The following CHN2 variants were observed in gnomAD, a reference collection of about 807,000 sequenced individuals.
CHN2 encodes chimerin 2.
A neutral mutation model predicts 56.3 loss-of-function variants in CHN2; 35 were observed. The observed-to-expected ratio is 0.62, with a 90% CI of 0.47 to 0.82. The LOEUF is 0.82. CHN2 is among the 40% of genes least tolerant of loss of function. The pLI, the probability that CHN2 is intolerant of heterozygous loss-of-function variation, is 0.00. For missense variants in CHN2, 491 were observed against 580.5 expected, an observed-to-expected ratio of 0.85 and a Z score of 1.58; for synonymous variants, 210 against 212.8, an observed-to-expected ratio of 0.99 and a Z score of 0.12.
chr7:29,154,190 C>T (rs2128697434), intron 2 of CHN2, among the ~76,000 whole-genome samples: 1 of 152,272 alleles, frequency 6.6e-6, no homozygotes, highest in East Asian at 1.9e-4. Context: ...GTGGGCTTCT[C>T]ATTGCAGAAT....
At chr7:29,197,507 C>G (rs1437143173) in intron 1 of CHN2, among the ~76,000 whole-genome samples, 1 of 152,134 alleles carries the variant, frequency 6.6e-6, no homozygotes, top group East Asian at 1.9e-4. Flanking sequence ...AGCACAGGGC[C>G]TAGCATTTAA....
chr7:29,469,956 G>A (rs1785889405), intron 6 of CHN2, among the ~76,000 whole-genome samples: 1 of 152,184 alleles, frequency 6.6e-6, no homozygotes. Context: ...GAGGGTAAGA[G>A]GGAGAGAAGG....
intron 1 of CHN2, among the ~76,000 whole-genome samples, chr7:29,256,719 C>T (rs1036528912): frequency 6.6e-6 from 1 of 152,168 alleles, no homozygotes; most frequent in Non-Finnish European, 1.5e-5. Context: ...CGATGATCTT[C>T]TGAAAGCTGT....
intron 1 of CHN2, among the ~76,000 whole-genome samples, chr7:29,258,285 C>A (rs1255587194): frequency 6.6e-6 from 1 of 152,104 alleles, no homozygotes; most frequent in East Asian, 1.9e-4. Flanking sequence ...TTTATATAGC[C>A]TAAGTCTTAA....
intron 2 of CHN2, among the ~76,000 whole-genome samples, chr7:29,357,792 C>A (rs10240253): frequency 6.6e-6 from 1 of 151,954 alleles, no homozygotes; most frequent in Non-Finnish European, 1.5e-5. Context: ...TAAAATGATA[C>A]CATTTCTTGA....
At chr7:29,332,068 G>C (rs544019008) in intron 1 of CHN2, among the ~76,000 whole-genome samples, 1 of 151,622 alleles carries the variant, frequency 6.6e-6, no homozygotes, top group Non-Finnish European at 1.5e-5. Flanking sequence ...TGGCTTGTGT[G>C]ATCTGAAAGA....
At chr7:29,157,178 A>G (rs979969416) in intron 2 of CHN2, among the ~76,000 whole-genome samples, 2 of 152,110 alleles carry the variant, frequency 1.3e-5, no homozygotes, top group African/African-American at 4.8e-5. Context: ...TAACATCCTA[A>G]TCACCCACAT....
At chr7:29,154,022 G>A (rs2128697103) in intron 2 of CHN2, among the ~76,000 whole-genome samples, 1 of 152,274 alleles carries the variant, frequency 6.6e-6, no homozygotes, top group South Asian at 2.1e-4. Context: ...TTAAGTTTTG[G>A]AGAAGTCAAA....
At chr7:29,310,510 G>A (rs1339498037) in intron 1 of CHN2, among the ~76,000 whole-genome samples, 1 of 152,062 alleles carries the variant, frequency 6.6e-6, no homozygotes, top group African/African-American at 2.4e-5. Flanking sequence ...AGTGCCCAAC[G>A]GTAGTTCCCA....
chr7:29,166,658 G>A (rs901689006), intron 2 of CHN2, among the ~76,000 whole-genome samples: 1 of 152,006 alleles, frequency 6.6e-6, no homozygotes, highest in Non-Finnish European at 1.5e-5. Flanking sequence ...AAAAAAGATG[G>A]TTGTAATATT....
At chr7:29,240,824 C>CGTT (rs1021163770) in intron 1 of CHN2, among the ~76,000 whole-genome samples, 1 of 151,748 alleles carries the variant, frequency 6.6e-6, no homozygotes, top group Non-Finnish European at 1.5e-5. Context: ...TCTTCGTCGT[C>CGTT]GTCGTCGTCG....
chr7:29,363,718 G>A (rs1798916228), intron 2 of CHN2, among the ~76,000 whole-genome samples: 1 of 152,192 alleles, frequency 6.6e-6, no homozygotes, highest in African/African-American at 2.4e-5. Flanking sequence ...AGAGGGATAG[G>A]GTGGAATTTT....
chr7:29,274,319 A>G (rs1056611684), intron 1 of CHN2, among the ~76,000 whole-genome samples: 27 of 152,232 alleles, frequency 1.8e-4, no homozygotes, highest in Non-Finnish European at 3.4e-4. Flanking sequence ...CGTCTGCACA[A>G]CACATACGTT....
chr7:29,227,383 T>G (rs1006803134), intron 1 of CHN2, among the ~76,000 whole-genome samples: 1 of 152,230 alleles, frequency 6.6e-6, no homozygotes, highest in African/African-American at 2.4e-5. Context: ...ATGGACGTAC[T>G]GAGTTCCTGT....
Position 29,511,817 on chromosome 7 carries a change from C to CAAAACTCT in CHN2, c.1236-746_1236-739dup, listed in dbSNP as rs527422873. Among the ~76,000 whole-genome samples the CAAAACTCT allele has an allele frequency of 3.2e-4, 45 of 142,738 alleles. No individual in the cohort carries two copies. The East Asian group carries it at 9.1e-3, about 29-fold the overall frequency. The allele number at this position is 142,738 out of a possible 152,430, so 93.6% of individuals were successfully genotyped here. A position where few individuals can be genotyped will look rare whatever the true frequency, so the allele number is the denominator to read the frequency against. The stretch of plus-strand genomic sequence containing the variant: ...ATTCTAAAACTTAAAGTTGTGAAAA[C>CAAAACTCT]AAAACTCTGGGAGATAGATAGATTG... On this transcript the variant is annotated intron_variant, in intron 12 of 12. Transcript: ENST00000222792.
chr7:29,502,120 C>T (rs1168834876), intron 9 of CHN2, among the ~76,000 whole-genome samples: 1 of 152,190 alleles, frequency 6.6e-6, no homozygotes, highest in East Asian at 1.9e-4. Flanking sequence ...ACCTCCACCT[C>T]CAAATCTGTC....
intron 6 of CHN2, among the ~76,000 whole-genome samples, chr7:29,421,483 G>T (rs1804339335): frequency 6.6e-6 from 1 of 152,212 alleles, no homozygotes. Context: ...TGGGTTTCAA[G>T]TAGTCTTGCA....
intron 6 of CHN2, among the ~76,000 whole-genome samples, chr7:29,478,073 A>G (rs1466766721): frequency 6.6e-6 from 1 of 152,222 alleles, no homozygotes; most frequent in Non-Finnish European, 1.5e-5. Context: ...AAAAATGTGG[A>G]TAAAACACTA....
At chr7:29,399,686 A>G (rs1802045451) in intron 5 of CHN2, among the ~76,000 whole-genome samples, 1 of 152,128 alleles carries the variant, frequency 6.6e-6, no homozygotes, top group South Asian at 2.1e-4. Context: ...CAGGCCCACA[A>G]TGGTGTGTTC....
Sources: gnomAD v4.1 joint callset for allele counts (sites outside exome capture counted in the v4.1 genomes callset) on GRCh38, gnomAD v4.1.1 for gene constraint, MANE v1.5 for transcripts, NCBI Gene and HGNC (gene_info 2026-07-23, HGNC 2026-07-21) for gene names.